Variants in USH2A observed in about 807,000 individuals in gnomAD.
The protein encoded by USH2A is Usher syndrome 2A (autosomal recessive, mild).
A neutral mutation model predicts 538.9 loss-of-function variants in USH2A; 443 were observed. The ratio of observed to expected loss-of-function variants is 0.82; its 90% CI spans 0.76 to 0.89. The LOEUF is 0.89. Ranked by LOEUF, USH2A falls within the 40% of genes least tolerant of loss-of-function variation. The probability of loss-of-function intolerance (pLI) is 0.00; values close to 1 mark genes in which losing one functional copy is unlikely to be tolerated. For missense variants in USH2A, 6,633 were observed against 6,324.8 expected (o/e 1.05, Z -1.65); for synonymous variants, 2,413 against 2,273.5 (o/e 1.06, Z -1.75).
chr1:215,696,829 A>T (rs1157494771), intron 61 of USH2A, among the ~76,000 whole-genome samples: 1 of 152,126 alleles, frequency 6.6e-6, no homozygotes, highest in Non-Finnish European at 1.5e-5. Context: ...GAGCCACTGC[A>T]CTCCAGCCTG....
Position 216,328,176 on chromosome 1 carries a change from T to G in USH2A, c.785-522A>C, listed in dbSNP as rs1033821239. On this transcript the variant is annotated intron_variant, in intron 4 of 71. Transcript: ENST00000307340. ...CTCCAAATGAGGACTCATCGAAGAC[T>G]TCCTACTTGTAGGTTCTGTGTCATT... Among the ~76,000 whole-genome samples the G allele has an allele frequency of 2.6e-5, 4 of 152,272 alleles. No individual in the cohort carries two copies. The East Asian group carries it at 7.7e-4, about 29-fold the overall frequency.
intron 44 of USH2A, among the ~76,000 whole-genome samples, chr1:215,859,698 T>G (rs1408869892): frequency 1.3e-5 from 2 of 152,192 alleles, no homozygotes; most frequent in African/African-American, 4.8e-5. Context: ...AAGGGATGAC[T>G]GTATTTCTTT....
intron 4 of USH2A, among the ~76,000 whole-genome samples, chr1:216,344,754 A>C (rs1266724693): frequency 6.6e-6 from 1 of 151,842 alleles, no homozygotes; most frequent in Non-Finnish European, 1.5e-5. Flanking sequence ...CTCTTAATAA[A>C]AGACAAGGAC....
chr1:215,961,635 TAC>T (rs1455700758), intron 37 of USH2A, among the ~76,000 whole-genome samples: 3 of 151,748 alleles, frequency 2.0e-5, no homozygotes, highest in Admixed American at 1.3e-4. Context: ...AAATATATTC[TAC>T]AGTTTTAATC....
intron 49 of USH2A, among the ~76,000 whole-genome samples, chr1:215,812,935 A>G (rs1662737104): frequency 6.6e-6 from 1 of 152,190 alleles, no homozygotes; most frequent in South Asian, 2.1e-4. Flanking sequence ...TTTCACTTCT[A>G]TGCACATCTG....
At chr1:216,113,941 G>T (rs1365990203) in intron 21 of USH2A, among the ~76,000 whole-genome samples, 1 of 151,422 alleles carries the variant, frequency 6.6e-6, no homozygotes, top group Non-Finnish European at 1.5e-5. Flanking sequence ...GTGAGATAGG[G>T]ATATATTCCA....
intron 16 of USH2A, among the ~76,000 whole-genome samples, chr1:216,203,756 C>A (rs114950504): frequency 0.012 from 1,858 of 152,218 alleles, 18 homozygotes; most frequent in Non-Finnish European, 0.019. Context: ...AATCCCAGGG[C>A]TCATTAAAAT....
chr1:216,379,038 C>T (rs904053394), intron 3 of USH2A, among the ~76,000 whole-genome samples: 1 of 152,158 alleles, frequency 6.6e-6, no homozygotes, highest in Non-Finnish European at 1.5e-5. Context: ...GTCCCATTCA[C>T]CTGCCTTCCT....
At chr1:216,046,671 C>T in intron 31 of USH2A, 79 bp from the exon 32 acceptor site, 1 of 1,535,978 alleles carries the variant, frequency 6.5e-7, no homozygotes, top group Non-Finnish European at 9.0e-7. Flanking sequence ...ACCAATAAAT[C>T]ATGGAATAAA....
At chr1:216,200,765 C>T (rs746989444) in intron 16 of USH2A, among the ~76,000 whole-genome samples, 1 of 152,090 alleles carries the variant, frequency 6.6e-6, no homozygotes, top group East Asian at 1.9e-4. Flanking sequence ...GGTGATTAGG[C>T]ACATGGCTGG....
chr1:215,753,360 A>T (rs770213083), intron 58 of USH2A, among the ~76,000 whole-genome samples: 30 of 152,166 alleles, frequency 2.0e-4, no homozygotes, highest in Non-Finnish European at 3.2e-4. Flanking sequence ...ACACACGCAC[A>T]TGTATGTTTA....
At chr1:215,999,314 C>T (rs375079799) in intron 33 of USH2A, among the ~76,000 whole-genome samples, 16 of 152,054 alleles carry the variant, frequency 1.1e-4, no homozygotes, top group East Asian at 5.8e-4. Flanking sequence ...AATGTATAAG[C>T]GAGTATTTAT....
chr1:216,385,309 A>G (rs1338683285), intron 3 of USH2A, among the ~76,000 whole-genome samples: 2 of 152,196 alleles, frequency 1.3e-5, no homozygotes, highest in African/African-American at 4.8e-5. Flanking sequence ...ATTAGTGTTT[A>G]TGTAAGGCAA....
At chr1:215,983,630 A>C (rs772294085) in intron 35 of USH2A, among the ~76,000 whole-genome samples, 2 of 152,094 alleles carry the variant, frequency 1.3e-5, no homozygotes, top group Non-Finnish European at 2.9e-5. Context: ...CAAAAAAACA[A>C]ACACACACAC....
At chr1:216,298,916 C>G (rs1459506892) in intron 9 of USH2A, among the ~76,000 whole-genome samples, 1 of 151,512 alleles carries the variant, frequency 6.6e-6, no homozygotes, top group Admixed American at 6.6e-5. Context: ...TCTTGGCTCA[C>G]TGCAAGCTCC....
At chr1:215,846,852 C>G (rs1424235697) in intron 44 of USH2A, among the ~76,000 whole-genome samples, 1 of 152,116 alleles carries the variant, frequency 6.6e-6, no homozygotes, top group Admixed American at 6.5e-5. Flanking sequence ...TAACTGATAC[C>G]TAGAAGGATG....
chr1:216,418,538 C>A lies in USH2A; in HGVS notation c.627G>T (p.Lys209Asn), dbSNP rs146402815. The A allele has an allele frequency of 3.7e-6, 6 of 1,613,060 alleles. No homozygotes were observed. Among genetic ancestry groups the A allele is most frequent in the Middle Eastern group, 1.6e-4 (1 of 6,074 alleles). ...CCTGCACACTAAGATGAATCCATTTCTTCACAAGAATTCTCCCCAGTGTCA... is the reference window on the plus strand; with the variant it reads ...CCTGCACACTAAGATGAATCCATTTATTCACAAGAATTCTCCCCAGTGTCA... ...KVMTLGRILVKKWIHLSVQVH... is the reference protein window; with the variant it reads ...KVMTLGRILVNKWIHLSVQVH... Residue 209 changes from lysine (K) to asparagine (N), a missense_variant, in exon 3 of 72, where the codon AAG becomes AAT. By Grantham distance (94) the Lys-to-Asn change is moderately conservative (BLOSUM62 0). Coordinates refer to ENST00000307340, the MANE Select transcript of USH2A (RefSeq NM_206933.4).
chr1:215,924,075 C>G (rs565189195), intron 38 of USH2A, among the ~76,000 whole-genome samples: 1 of 151,346 alleles, frequency 6.6e-6, no homozygotes, highest in Admixed American at 6.6e-5. Context: ...TACAAGCATA[C>G]GAAACATTTA....
intron 13 of USH2A, among the ~76,000 whole-genome samples, chr1:216,240,404 T>G (rs1345386632): frequency 6.6e-6 from 1 of 152,000 alleles, no homozygotes; most frequent in African/African-American, 2.4e-5. Context: ...AACATGAGTC[T>G]AGATGTTGCT....
Sources: allele counts gnomAD v4.1 joint callset (sites outside exome capture counted in the v4.1 genomes callset), GRCh38; gene constraint gnomAD v4.1.1; transcripts MANE v1.5; gene names NCBI Gene and HGNC (gene_info 2026-07-23, HGNC 2026-07-21).